Variants in FAM114A2 observed in about 807,000 individuals in gnomAD.
FAM114A2 encodes protein FAM114A2.
Under a neutral mutation model 58.4 loss-of-function variants are expected in FAM114A2, and 53 were observed. The ratio of observed to expected loss-of-function variants is 0.91; its 90% CI spans 0.73 to 1.14. FAM114A2 has a LOEUF of 1.14. FAM114A2 is among the 50% of genes most tolerant of loss of function. FAM114A2 has a pLI of 0.00. For synonymous variants in FAM114A2, 228 were observed against 211.4 expected, an observed-to-expected ratio of 1.08 and a Z score of -0.68; for missense variants, 601 against 581.1, an observed-to-expected ratio of 1.03 and a Z score of -0.35.
At chr5:154,013,095 T>C (rs1350844594) in intron 8 of FAM114A2, among the ~76,000 whole-genome samples, 3 of 152,122 alleles carry the variant, frequency 2.0e-5, no homozygotes, top group Non-Finnish European at 4.4e-5. Context: ...ACATATTATG[T>C]CTGAATGTGA....
At position 154,026,399 on chromosome 5, in the gene FAM114A2, CT is replaced by C. The variant is rs1391846088; in HGVS notation, c.912del (p.Asp306MetfsTer8). The C allele has an allele frequency of 4.5e-6, 7 of 1,559,448 alleles. No individual in the cohort carries two copies. Among genetic ancestry groups the C allele is most frequent in the East Asian group, 2.4e-5 (1 of 42,210 alleles). On this transcript the variant is annotated frameshift_variant and splice_region_variant, in exon 8 of 14. Transcript: ENST00000351797. LOFTEE classifies it high-confidence loss of function. ...CTCAGATACTAAATTTTCATATTAC[CT>C]TTTTTCTCTTCTTCCTCTTCTTCAC... Reference protein sequence around the residue: ...EFCEEEEEEKKGDEDFTKDIT... With the variant: ...EFCEEEEEEKXGDEDFTKDIT...
intron 1 of FAM114A2, chr5:154,038,264 T>C: frequency 6.6e-6 from 1 of 152,172 alleles, no homozygotes; most frequent in Non-Finnish European, 1.5e-5. Flanking sequence ...ATATATTACG[T>C]ATATATACAC....
At chr5:154,032,580 T>A (rs1772274510) in intron 4 of FAM114A2, among the ~76,000 whole-genome samples, 1 of 152,120 alleles carries the variant, frequency 6.6e-6, no homozygotes, top group South Asian at 2.1e-4. Context: ...GAACATGAGA[T>A]CCTGTTCTAG....
chr5:154,008,221 A>G (rs1038256781), intron 9 of FAM114A2, among the ~76,000 whole-genome samples: 2 of 152,146 alleles, frequency 1.3e-5, no homozygotes, highest in East Asian at 3.8e-4. Flanking sequence ...GCCAGAAACA[A>G]GAAAGATGAA....
At chr5:154,003,335 C>T (rs1263038866) in intron 9 of FAM114A2, among the ~76,000 whole-genome samples, 1 of 151,976 alleles carries the variant, frequency 6.6e-6, no homozygotes, top group Non-Finnish European at 1.5e-5. Context: ...CCCACCACCA[C>T]GCCCAGCTAA....
Position 154,014,945 on chromosome 5 carries a change from C to T in FAM114A2, c.914-3625G>A, listed in dbSNP as rs192200941. On this transcript the variant is annotated intron_variant, in intron 8 of 13. Transcript: ENST00000351797. The stretch of plus-strand genomic sequence containing the variant: ...TGCTTGCCCACTGCCTGGAAACAGA[C>T]TCAGTGTGGTTGGGGAGCAGGCACA... Among the ~76,000 whole-genome samples the T allele has an allele frequency of 1.8e-4, 28 of 152,310 alleles. No homozygotes were observed. The East Asian group carries it at 4.6e-3, about 25-fold the overall frequency.
rs1337238168 is a variant in FAM114A2, at chr5:153,990,205, G to T, written c.*2771C>A. The stretch of plus-strand genomic sequence containing the variant: ...GGGTTTTCTAAACTGAAGAATTCAG[G>T]TTTAAAATTCAGAACACCTCTAGAA... On this transcript the variant is annotated 3_prime_UTR_variant, in exon 14 of 14. Coordinates refer to ENST00000351797, the MANE Select transcript of FAM114A2 (RefSeq NM_018691.4). 5 of 152,124 alleles carry T rather than the reference G, an allele frequency of 3.3e-5. No individual in the cohort carries two copies. Among genetic ancestry groups the T allele is most frequent in the Admixed American group, 6.6e-5 (1 of 15,266 alleles). The allele number at this position is 152,124 out of a possible 1,614,324, so 9.4% of individuals were successfully genotyped here. A position where few individuals can be genotyped will look rare whatever the true frequency, so the allele number is the denominator to read the frequency against.
chr5:154,008,870 G>A (rs1770516536), intron 9 of FAM114A2, among the ~76,000 whole-genome samples: 1 of 152,158 alleles, frequency 6.6e-6, no homozygotes. Context: ...TGGGAGACAA[G>A]GTTCCTACTG....
At chr5:154,024,635 C>T (rs1242006238) in intron 8 of FAM114A2, among the ~76,000 whole-genome samples, 1 of 151,940 alleles carries the variant, frequency 6.6e-6, no homozygotes, top group Non-Finnish European at 1.5e-5. Context: ...TCTTTAATAC[C>T]ACATTAAAAC....
chr5:153,992,988 C>A lies in FAM114A2; in HGVS notation c.1506G>T (p.Leu502Phe). ...HRHELQGQKP[L>F]LEH ...ACGTCTCCATTCTTCAATGTTCTAA[C>A]AAAGGTTTCTGGCCCTGCAGCTCAT... is the stretch of plus-strand genomic sequence containing the variant. The change falls in exon 14 of 14, where the codon TTG (leucine) becomes TTT (phenylalanine). Residue 502 changes from leucine (L) to phenylalanine (F), a missense_variant. Coordinates refer to ENST00000351797, the MANE Select transcript of FAM114A2 (RefSeq NM_018691.4). The A allele has an allele frequency of 6.2e-7, 1 of 1,611,320 alleles. No individual in the cohort carries two copies. Among genetic ancestry groups the A allele is most frequent in the East Asian group, 2.2e-5 (1 of 44,800 alleles).
At chr5:154,009,667 T>C (rs1001359642) in intron 9 of FAM114A2, among the ~76,000 whole-genome samples, 3 of 152,176 alleles carry the variant, frequency 2.0e-5, no homozygotes, top group African/African-American at 7.2e-5. Context: ...CATGTACCTT[T>C]AGATGTGATA....
chr5:153,994,169 T>C (rs915965290), intron 13 of FAM114A2, among the ~76,000 whole-genome samples: 8 of 152,222 alleles, frequency 5.3e-5, no homozygotes, highest in Non-Finnish European at 8.8e-5. Context: ...ATTTCCTTGA[T>C]GGTAATGTCA....
At chr5:154,037,303 T>C (rs1397780324) in intron 1 of FAM114A2, 4 of 152,204 alleles carry the variant, frequency 2.6e-5, no homozygotes, top group African/African-American at 4.8e-5. Context: ...TATATGGGCA[T>C]ATAATATAAA....
chr5:154,026,619 A>G, intron 7 of FAM114A2, 97 bp from the exon 8 acceptor site: 4 of 797,792 alleles, frequency 5.0e-6, no homozygotes, highest in Non-Finnish European at 7.0e-6. Context: ...TATTGAAGTC[A>G]AAATTATGAG....
chr5:154,035,000 T>C lies in FAM114A2; in HGVS notation c.-14-33A>G, dbSNP rs1214640787. On this transcript the variant is annotated intron_variant, in intron 1 of 13. Coordinates refer to ENST00000351797, the MANE Select transcript of FAM114A2 (RefSeq NM_018691.4). ...AATGAAAGCCCAAAAAAAATTTATA[T>C]AGGCTTCTTTGGTATAAAGTATTTG... is the stretch of plus-strand genomic sequence containing the variant. 7.6e-6 allele frequency: 10 copies of C among 1,316,580 alleles called. No individual in the cohort carries two copies. In the South Asian group the frequency reaches 8.8e-5, roughly 12 times the overall value. 81.6% of individuals were successfully genotyped at this position (1,316,580 alleles called of 1,614,324 possible).
chr5:154,016,717 AT>A (rs1349026072), intron 8 of FAM114A2, among the ~76,000 whole-genome samples: 1 of 151,904 alleles, frequency 6.6e-6, no homozygotes, highest in African/African-American at 2.4e-5. Flanking sequence ...CAAAAATACA[AT>A]TAAAAAAAAA....
intron 11 of FAM114A2, among the ~76,000 whole-genome samples, chr5:154,000,887 GTTC>G (rs1374369717): frequency 6.6e-6 from 1 of 152,248 alleles, no homozygotes; most frequent in Non-Finnish European, 1.5e-5. Context: ...TTAATTCTCA[GTTC>G]TTAATAATAG....
chr5:154,001,362 A>G (rs1271053712), intron 11 of FAM114A2, among the ~76,000 whole-genome samples: 1 of 152,224 alleles, frequency 6.6e-6, no homozygotes, highest in Non-Finnish European at 1.5e-5. Context: ...ACTTGAATTC[A>G]GAGAGGGAGT....
intron 5 of FAM114A2, among the ~76,000 whole-genome samples, chr5:154,028,833 G>A (rs1314847245): frequency 6.6e-6 from 1 of 152,160 alleles, no homozygotes; most frequent in Non-Finnish European, 1.5e-5. Flanking sequence ...TCAGGATTAT[G>A]GTTATCTTGG....
Sources: allele counts gnomAD v4.1 joint callset (sites outside exome capture counted in the v4.1 genomes callset), GRCh38; gene constraint gnomAD v4.1.1; transcripts MANE v1.5; gene names NCBI Gene and HGNC (gene_info 2026-07-23, HGNC 2026-07-21).